Variants in TBL1XR1 observed in about 807,000 individuals in gnomAD.
The protein encoded by TBL1XR1 is F-box-like/WD repeat-containing protein TBL1XR1.
TBL1XR1 carries 5 observed loss-of-function variants against 66.9 expected under a neutral mutation model. The ratio of observed to expected loss-of-function variants is 0.07; its 90% CI spans 0.04 to 0.16. The LOEUF (loss-of-function observed/expected upper bound fraction) is 0.16, where lower values mean the gene tolerates loss of function less well. TBL1XR1 is among the 10% of genes least tolerant of loss of function. TBL1XR1 has a pLI of 1.00. For synonymous variants in TBL1XR1, 210 were observed against 206.0 expected, an observed-to-expected ratio of 1.02 and a Z score of -0.17; for missense variants, 238 against 623.2, an observed-to-expected ratio of 0.38 and a Z score of 6.58.
intron 2 of TBL1XR1, chr3:177,079,488 C>G (rs934015473): frequency 6.6e-6 from 1 of 151,336 alleles, no homozygotes; most frequent in Admixed American, 6.6e-5. Flanking sequence ...CTTATCCACA[C>G]TCTTGGACTT....
chr3:177,042,116 TACTGTGCACTTTCATTTTG>T (rs1476350007), intron 10 of TBL1XR1, among the ~76,000 whole-genome samples: 25 of 152,210 alleles, frequency 1.6e-4, no homozygotes, highest in South Asian at 2.1e-4. Flanking sequence ...ATTCAGTAAC[TACTGTGCACTTTCATTTTG>T]ACTGTGCACT....
At chr3:177,162,220 T>C (rs1732298469) in intron 1 of TBL1XR1, among the ~76,000 whole-genome samples, 1 of 152,206 alleles carries the variant, frequency 6.6e-6, no homozygotes, top group Non-Finnish European at 1.5e-5. Context: ...GTATTACACT[T>C]ATGCGTGTGT....
intron 1 of TBL1XR1, among the ~76,000 whole-genome samples, chr3:177,104,716 C>A (rs1724657948): frequency 6.6e-6 from 1 of 152,198 alleles, no homozygotes; most frequent in Admixed American, 6.5e-5. Flanking sequence ...CACATACTCA[C>A]ATAAAAAGAA....
At chr3:177,071,032 T>G (rs896734698) in intron 2 of TBL1XR1, among the ~76,000 whole-genome samples, 5 of 53,116 alleles carry the variant, frequency 9.4e-5, no homozygotes, top group South Asian at 5.1e-4. Context: ...TGAGAATCTG[T>G]TTTTTTTTTT....
intron 1 of TBL1XR1, among the ~76,000 whole-genome samples, chr3:177,176,064 A>AC: frequency 6.6e-6 from 1 of 151,378 alleles, no homozygotes. Flanking sequence ...GTCTCTAAAA[A>AC]AAAAAAAAAA....
intron 1 of TBL1XR1, among the ~76,000 whole-genome samples, chr3:177,138,964 G>C (rs527689065): frequency 6.6e-6 from 1 of 152,210 alleles, no homozygotes; most frequent in East Asian, 1.9e-4. Flanking sequence ...CTATTCAAGA[G>C]AGAAGCCTCA....
intron 1 of TBL1XR1, among the ~76,000 whole-genome samples, chr3:177,132,787 A>T (rs1363104881): frequency 6.6e-6 from 1 of 152,200 alleles, no homozygotes; most frequent in African/African-American, 2.4e-5. Flanking sequence ...GGCAAGCAAT[A>T]AACAAATGGC....
chr3:177,033,167 T>C, intron 13 of TBL1XR1, 31 bp from the exon 14 acceptor site: 4 of 1,492,622 alleles, frequency 2.7e-6, no homozygotes, highest in Non-Finnish European at 3.6e-6. Flanking sequence ...AGTTAATTTA[T>C]AAGTAAGGAA....
chr3:177,071,031 GTTTTTT>G (rs764951521), intron 2 of TBL1XR1, among the ~76,000 whole-genome samples: 1 of 104,716 alleles, frequency 9.5e-6, no homozygotes, highest in African/African-American at 3.9e-5. Context: ...CTGAGAATCT[GTTTTTT>G]TTTTTTTTTT....
chr3:177,059,416 TATAC>T (rs935380214), intron 3 of TBL1XR1, among the ~76,000 whole-genome samples: 5 of 152,230 alleles, frequency 3.3e-5, no homozygotes, highest in African/African-American at 1.2e-4. Context: ...GCTTTAATGT[TATAC>T]ATAAAGGTTA....
At chr3:177,135,374 T>TATATAC (rs1220243217) in intron 1 of TBL1XR1, among the ~76,000 whole-genome samples, 1 of 31,486 alleles carries the variant, frequency 3.2e-5, no homozygotes, top group East Asian at 1.2e-3. Context: ...TATATATATA[T>TATATAC]ATATATATGT....
intron 1 of TBL1XR1, among the ~76,000 whole-genome samples, chr3:177,111,686 C>T (rs1384475658): frequency 6.6e-6 from 1 of 152,106 alleles, no homozygotes; most frequent in East Asian, 1.9e-4. Flanking sequence ...TGCATCACAC[C>T]TTCCCAAACC....
At chr3:177,069,793 AAAGG>A (rs201302557) in intron 2 of TBL1XR1, among the ~76,000 whole-genome samples, 7,883 of 91,982 alleles carry the variant, frequency 0.086, 341 homozygotes, top group Non-Finnish European at 0.1. Context: ...AAAAGGAAGG[AAAGG>A]AAGGAAGGAA....
At chr3:177,172,632 GAAGA>G (rs1560260311) in intron 1 of TBL1XR1, among the ~76,000 whole-genome samples, 1 of 69,158 alleles carries the variant, frequency 1.4e-5, no homozygotes, top group African/African-American at 4.5e-5. Context: ...AAGAAAGAGA[GAAGA>G]GAGAGAGAGA....
At chr3:177,166,939 A>G (rs10936932) in intron 1 of TBL1XR1, among the ~76,000 whole-genome samples, 86,373 of 152,032 alleles carry the variant, frequency 0.57, 24,928 homozygotes, top group East Asian at 0.75. Context: ...ACAGTTTAAC[A>G]CTTTCTTACT....
intron 1 of TBL1XR1, among the ~76,000 whole-genome samples, chr3:177,138,077 A>G (rs780091216): frequency 1.3e-5 from 2 of 152,234 alleles, no homozygotes; most frequent in African/African-American, 2.4e-5. Flanking sequence ...GACTGACAAA[A>G]AAACCCACGT....
chr3:177,080,454 TTA>T (rs1721256822), intron 2 of TBL1XR1, among the ~76,000 whole-genome samples: 1 of 152,084 alleles, frequency 6.6e-6, no homozygotes, highest in South Asian at 2.1e-4. Context: ...AGAAAAATGA[TTA>T]GAGTAAATTA....
intron 10 of TBL1XR1, among the ~76,000 whole-genome samples, chr3:177,041,419 T>C (rs1258749900): frequency 1.3e-5 from 2 of 152,200 alleles, no homozygotes; most frequent in Non-Finnish European, 2.9e-5. Flanking sequence ...CAGAATCACT[T>C]CCTTCCTTGG....
intron 5 of TBL1XR1, 121 bp from the exon 6 acceptor site, chr3:177,050,731 T>C (rs958123501): frequency 9.2e-6 from 10 of 1,085,680 alleles, no homozygotes; most frequent in African/African-American, 6.3e-5. Context: ...TTTTCAATTA[T>C]ATCCAGTTAA....
Sources: gnomAD v4.1 joint callset for allele counts (sites outside exome capture counted in the v4.1 genomes callset) on GRCh38, gnomAD v4.1.1 for gene constraint, MANE v1.5 for transcripts, NCBI Gene and HGNC (gene_info 2026-07-23, HGNC 2026-07-21) for gene names.